DHTKD1: variants seen among roughly 807,000 people sequenced by gnomAD.
DHTKD1 encodes 2-oxoadipate dehydrogenase complex component E1.
Under a neutral mutation model 101.8 loss-of-function variants are expected in DHTKD1, and 78 were observed. That is an observed-to-expected ratio of 0.77 (90% CI 0.64 to 0.93). The LOEUF (loss-of-function observed/expected upper bound fraction) is 0.93, where lower values mean the gene tolerates loss of function less well. DHTKD1 is among the 40% of genes least tolerant of loss of function. DHTKD1 has a pLI of 0.00. For synonymous variants in DHTKD1, 462 were observed against 450.3 expected (o/e 1.03, Z -0.33); for missense variants, 1,223 against 1,161.7 (o/e 1.05, Z -0.77).
chr10:12,105,405 T>C (rs1833228267), intron 10 of DHTKD1, among the ~76,000 whole-genome samples: 1 of 152,124 alleles, frequency 6.6e-6, no homozygotes, highest in Admixed American at 6.6e-5. Context: ...AGTTTCAACC[T>C]CCTGGGCTCA....
chr10:12,073,250 A>G (rs1018842019), intron 1 of DHTKD1, among the ~76,000 whole-genome samples: 2 of 150,918 alleles, frequency 1.3e-5, no homozygotes, highest in African/African-American at 4.9e-5. Flanking sequence ...CCAGGGTGGT[A>G]TCGAACTCCT....
chr10:12,108,134 C>T, intron 12 of DHTKD1, 119 bp downstream of exon 12: 2 of 657,946 alleles, frequency 3.0e-6, no homozygotes, highest in Non-Finnish European at 5.2e-6. Context: ...TTGAGTGAAA[C>T]AGATTTGATG....
rs1186786111 is a variant in DHTKD1 at position 12,091,517 on chromosome 10, A to G, written c.992A>G (p.His331Arg). 5.0e-6 allele frequency: 8 copies of G among 1,595,482 alleles called. No individual in the cohort carries two copies. Among genetic ancestry groups the G allele is most frequent in the Non-Finnish European group, 6.8e-6 (8 of 1,170,380 alleles). The change falls in exon 6 of 17, where the codon CAT (histidine) becomes CGT (arginine). Residue 331 changes from histidine to arginine, a missense_variant. By Grantham distance (29) the His-to-Arg change is conservative. Transcript: ENST00000263035. The stretch of plus-strand genomic sequence containing the variant: ...TCCCCTTGCCTCATGATTTAGGTCC[A>G]TGGTGATGCTTCTTTCTGTGGTCAA... ...PGDRVICLQV[H>R]GDASFCGQGI...
At chr10:12,075,222 C>T (rs1319098318) in intron 1 of DHTKD1, among the ~76,000 whole-genome samples, 2 of 152,302 alleles carry the variant, frequency 1.3e-5, no homozygotes, top group East Asian at 3.9e-4. Flanking sequence ...CTCTGTCACC[C>T]AGGCTGGAGT....
In DHTKD1 at chr10:12,112,095, G is replaced by A. The variant is rs190972473; in HGVS notation, c.2155-805G>A. ...TTTGGGTGGCTGAGGCGGGAGGATC[G>A]CTTGAACCCAGGAGTTTGAGACCAG... On this transcript the variant is annotated intron_variant, in intron 12 of 16. Coordinates refer to ENST00000263035, the MANE Select transcript of DHTKD1 (RefSeq NM_018706.7). Among the ~76,000 whole-genome samples, 662 of 152,078 alleles carry A rather than the reference G, an allele frequency of 4.4e-3. 7 individuals are homozygous for A. Among genetic ancestry groups the A allele is most frequent in the African/African-American group, 0.012 (492 of 41,494 alleles).
intron 10 of DHTKD1, among the ~76,000 whole-genome samples, chr10:12,104,998 T>C (rs992680362): frequency 6.6e-6 from 1 of 151,506 alleles, no homozygotes; most frequent in South Asian, 2.1e-4. Flanking sequence ...CCTCAGCCTC[T>C]TGAGGCCTGC....
rs181272050 is a variant in DHTKD1, at chr10:12,117,265, C to T, written c.2320-408C>T. Among the ~76,000 whole-genome samples the T allele has an allele frequency of 8.4e-3, 1,273 of 150,810 alleles. 26 individuals carry two copies. Among genetic ancestry groups the T allele is most frequent in the African/African-American group, 0.029 (1,178 of 41,106 alleles). ...CCTCAGGTGATCCGCCCACCTTGGC[C>T]TCCCAAAGTGCTGGGATTACAGGCA... On this transcript the variant is annotated intron_variant, in intron 13 of 16. Coordinates refer to ENST00000263035, the MANE Select transcript of DHTKD1 (RefSeq NM_018706.7).
rs1833160938 is a variant in DHTKD1, at chr10:12,101,039, A to T, written c.1757-3A>T. 3 of 1,612,504 alleles carry T rather than the reference A, an allele frequency of 1.9e-6. No individual in the cohort carries two copies. Among genetic ancestry groups the T allele is most frequent in the Admixed American group, 3.4e-5 (2 of 59,602 alleles). ...CTGACTTTTTTTTTCTTGCTTGCTT[A>T]AGGTTTTAATGTTCGTCTAAGTGGC... On this transcript the variant is annotated splice_region_variant and splice_polypyrimidine_tract_variant and intron_variant, in intron 9 of 16. Transcript: ENST00000263035.
Position 12,068,974 on chromosome 10 carries a change from G to T in DHTKD1, c.-60G>T. 6.3e-7 allele frequency: 1 copy of T among 1,599,400 alleles called. No individual in the cohort carries two copies. The highest frequency in any genetic ancestry group is 8.5e-7 in the Non-Finnish European group (1 of 1,172,648). The stretch of plus-strand genomic sequence containing the variant: ...CCTCTGACGAGTCCCGGATTTACCA[G>T]GGCCGGTGGGATCCCCTCGGGCTCC... On this transcript the variant is annotated 5_prime_UTR_variant, in exon 1 of 17. The change creates a new upstream start codon in the 5' untranslated region. Transcript: ENST00000263035.
Position 12,081,606 on chromosome 10 carries a change from C to A in DHTKD1, c.289C>A (p.Gln97Lys). Residue 97 changes from glutamine (Q) to lysine (K), a missense_variant, in exon 2 of 17, where the codon CAG (glutamine) becomes AAG (lysine). By Grantham distance (53) the Gln-to-Lys change is moderately conservative. Coordinates refer to ENST00000263035, the MANE Select transcript of DHTKD1 (RefSeq NM_018706.7). Reference sequence around the variant, plus strand: ...AATCCAAGCCCTGGTGCAGACACTGCAGGGACCCTTCCACACGGCAGGTAT... The same window carrying A: ...AATCCAAGCCCTGGTGCAGACACTGAAGGGACCCTTCCACACGGCAGGTAT... ...PEIQALVQTLQGPFHTAGLLN... is the reference protein window; with the variant it reads ...PEIQALVQTLKGPFHTAGLLN... 6.2e-6 allele frequency: 10 copies of A among 1,614,156 alleles called. No homozygotes were observed. Among genetic ancestry groups the A allele is most frequent in the Non-Finnish European group, 6.8e-6 (8 of 1,180,034 alleles).
chr10:12,093,135 C>T (rs535995417), intron 6 of DHTKD1, among the ~76,000 whole-genome samples: 32 of 152,036 alleles, frequency 2.1e-4, no homozygotes, highest in South Asian at 1.9e-3. Context: ...CTTGCACCTC[C>T]CGGGTTCAAG....
chr10:12,100,886 A>G (rs1385497585), intron 9 of DHTKD1, among the ~76,000 whole-genome samples, 156 bp from the exon 10 acceptor site: 2 of 152,280 alleles, frequency 1.3e-5, no homozygotes, highest in Non-Finnish European at 2.9e-5. Flanking sequence ...CATCTTAACT[A>G]TAGACTTTTG....
At chr10:12,118,584 G>C (rs376907574) in intron 14 of DHTKD1, among the ~76,000 whole-genome samples, 165 bp from the exon 15 acceptor site, 9 of 151,754 alleles carry the variant, frequency 5.9e-5, no homozygotes, top group African/African-American at 2.2e-4. Flanking sequence ...GGGTTTCACC[G>C]TGTTAGCCAG....
At position 12,097,930 on chromosome 10, in the gene DHTKD1, C is replaced by G; in HGVS notation, c.1605C>G (p.Gly535=). ...CCCTCGACCTCCTGCGGTTTGTTGG[C>G]ATGAAGTCTGTAGAGGTGCCAAGAG... ...GVPLDLLRFV[G]MKSVEVPREL... is the part of the protein sequence containing the mutation. The change falls in exon 8 of 17, where the codon GGC becomes GGG. Residue 535 remains glycine (G), a synonymous_variant. Coordinates refer to ENST00000263035, the MANE Select transcript of DHTKD1 (RefSeq NM_018706.7). The G allele has an allele frequency of 6.2e-7, 1 of 1,614,182 alleles. No homozygotes were observed. Among genetic ancestry groups the G allele is most frequent in the Non-Finnish European group, 8.5e-7 (1 of 1,180,022 alleles).
At position 12,094,064 on chromosome 10, in the gene DHTKD1, G is replaced by C; in HGVS notation, c.1160-9G>C. The C allele has an allele frequency of 6.2e-7, 1 of 1,612,490 alleles. No individual in the cohort carries two copies. Among genetic ancestry groups the C allele is most frequent in the Non-Finnish European group, 8.5e-7 (1 of 1,178,802 alleles). On this transcript the variant is annotated splice_polypyrimidine_tract_variant and intron_variant, in intron 6 of 16. Coordinates refer to ENST00000263035, the MANE Select transcript of DHTKD1 (RefSeq NM_018706.7). ...CTGTCCTGTTTCGGCTTGGTCTTCT[G>C]TCCTTCAGGGAAGCTTGTGGGCTGT...
chr10:12,100,942 A>T, intron 9 of DHTKD1, 100 bp from the exon 10 acceptor site: 1 of 1,227,230 alleles, frequency 8.1e-7, no homozygotes. Context: ...TCCTAAGGAA[A>T]ATTCTCAGGA....
At chr10:12,101,871 G>C (rs1833175552) in intron 10 of DHTKD1, among the ~76,000 whole-genome samples, 1 of 152,170 alleles carries the variant, frequency 6.6e-6, no homozygotes, top group Admixed American at 6.6e-5. Context: ...CAAAGCACTG[G>C]AAGTATAGGT....
chr10:12,097,981 G>A lies in DHTKD1; in HGVS notation c.1656G>A (p.Leu552=), dbSNP rs2131365510. Residue 552 remains leucine (L), a synonymous_variant, in exon 8 of 17, where the codon CTG becomes CTA. Coordinates refer to ENST00000263035, the MANE Select transcript of DHTKD1 (RefSeq NM_018706.7). ...PRELQMHSHL[L]KTHVQSRMEK... Reference sequence around the variant, plus strand: ...AGCTGCAGATGCACAGTCACCTGCTGAAGACACATGTTCAGGTGGGCAGCC... The same window carrying A: ...AGCTGCAGATGCACAGTCACCTGCTAAAGACACATGTTCAGGTGGGCAGCC... The A allele has an allele frequency of 6.2e-7, 1 of 1,608,536 alleles. No homozygotes were observed. Among genetic ancestry groups the A allele is most frequent in the Non-Finnish European group, 8.5e-7 (1 of 1,175,948 alleles).
At position 12,097,669 on chromosome 10, in the gene DHTKD1, C is replaced by T. The variant is rs1187020080; in HGVS notation, c.1359-15C>T. On this transcript the variant is annotated splice_polypyrimidine_tract_variant and intron_variant, in intron 7 of 16. Coordinates refer to ENST00000263035, the MANE Select transcript of DHTKD1 (RefSeq NM_018706.7). The stretch of plus-strand genomic sequence containing the variant: ...CAGGTCAGACTGATTTTTGTTTCTT[C>T]TCTTTCTTGGGCAGAGCTCGAAAGA... The T allele has an allele frequency of 3.1e-6, 5 of 1,589,334 alleles. No individual in the cohort carries two copies. The Admixed American group carries it at 7.1e-5, about 22-fold the overall frequency.
Sources: allele counts gnomAD v4.1 joint callset (sites outside exome capture counted in the v4.1 genomes callset), GRCh38; gene constraint gnomAD v4.1.1; transcripts MANE v1.5; gene names NCBI Gene and HGNC (gene_info 2026-07-23, HGNC 2026-07-21).